The following PNKD variants were observed in gnomAD, a reference collection of about 807,000 sequenced individuals.
PNKD encodes PNKD metallo-beta-lactamase domain containing, also known as probable thioesterase PNKD.
In PNKD, 36 loss-of-function variants were observed where a neutral mutation model predicts 45.3. The observed-to-expected ratio is 0.80, with a 90% CI of 0.61 to 1.05. The LOEUF (loss-of-function observed/expected upper bound fraction) is 1.05, where lower values mean the gene tolerates loss of function less well. Ranked by LOEUF, PNKD falls within the 50% of genes least tolerant of loss-of-function variation. The pLI, the probability that PNKD is intolerant of heterozygous loss-of-function variation, is 0.00. For synonymous variants in PNKD, 197 were observed against 210.1 expected (o/e 0.94, Z 0.54); for missense variants, 511 against 506.6 (o/e 1.01, Z -0.08).
intron 2 of PNKD, among the ~76,000 whole-genome samples, chr2:218,321,857 AC>A (rs1693993916): frequency 6.7e-6 from 1 of 149,652 alleles, no homozygotes; most frequent in South Asian, 2.1e-4. Flanking sequence ...CGATCTCTTG[AC>A]CTAGCGATCC....
At chr2:218,292,526 G>A (rs1434464952) in intron 2 of PNKD, 1 of 151,996 alleles carries the variant, frequency 6.6e-6, no homozygotes, top group Non-Finnish European at 1.5e-5. Context: ...CCGGGGCCGG[G>A]CAGGGCTAGG....
intron 2 of PNKD, among the ~76,000 whole-genome samples, chr2:218,315,097 C>T (rs55725841): frequency 3.8e-4 from 21 of 55,694 alleles, no homozygotes; most frequent in Non-Finnish European, 5.0e-4. Flanking sequence ...TCTCTCTCTC[C>T]TTCCTTCCTT....
intron 2 of PNKD, among the ~76,000 whole-genome samples, chr2:218,329,929 C>T (rs1694270240): frequency 6.6e-6 from 1 of 152,202 alleles, no homozygotes; most frequent in Admixed American, 6.5e-5. Context: ...ACTTTCAGTT[C>T]TGTTTCATTA....
At chr2:218,329,415 C>T (rs1042270032) in intron 2 of PNKD, among the ~76,000 whole-genome samples, 81 of 152,332 alleles carry the variant, frequency 5.3e-4, no homozygotes, top group African/African-American at 1.9e-3. Flanking sequence ...GAGCCCTTGG[C>T]GGGCAGGTGG....
intron 2 of PNKD, among the ~76,000 whole-genome samples, chr2:218,320,062 G>A (rs1411109133): frequency 6.6e-6 from 1 of 152,218 alleles, no homozygotes; most frequent in Non-Finnish European, 1.5e-5. Context: ...ATCTGAGGAG[G>A]TTGAAGAGAC....
At chr2:218,324,201 A>G (rs1157774754) in intron 2 of PNKD, among the ~76,000 whole-genome samples, 2 of 152,172 alleles carry the variant, frequency 1.3e-5, no homozygotes, top group Non-Finnish European at 2.9e-5. Context: ...GAGGCAGGGA[A>G]GAAGACAGGC....
chr2:218,291,184 A>T (rs2382818), intron 2 of PNKD, among the ~76,000 whole-genome samples: 54,647 of 151,756 alleles, frequency 0.36, 10,248 homozygotes, highest in Middle Eastern at 0.53. Flanking sequence ...ACCTCTCTGA[A>T]GGGCTCATTT....
chr2:218,346,084 G>A lies in PNKD; in HGVS notation c.*1103G>A, dbSNP rs1694820180. 6.6e-6 allele frequency: 1 copy of A among 152,372 alleles called. No homozygotes were observed. Among genetic ancestry groups the A allele is most frequent in the African/African-American group, 2.4e-5 (1 of 41,454 alleles). The allele number at this position is 152,372 out of a possible 1,614,324, so 9.4% of individuals were successfully genotyped here. A position where few individuals can be genotyped will look rare whatever the true frequency, so the allele number is the denominator to read the frequency against. On this transcript the variant is annotated 3_prime_UTR_variant, in exon 10 of 10. Transcript: ENST00000273077. ...CAGGTTGGAAATCAGAAGTCTGTGA[G>A]AGCGCGGGAGTGCATGGCAGCTCTG...
At chr2:218,295,809 A>AGGCAACC (rs1693126619) in intron 2 of PNKD, among the ~76,000 whole-genome samples, 3 of 150,132 alleles carry the variant, frequency 2.0e-5, no homozygotes, top group Non-Finnish European at 3.0e-5. Context: ...TAAAGATGCA[A>AGGCAACC]GGCAACCAGT....
intron 2 of PNKD, among the ~76,000 whole-genome samples, chr2:218,313,267 T>C (rs1362742109): frequency 1.3e-5 from 2 of 152,098 alleles, no homozygotes; most frequent in Non-Finnish European, 2.9e-5. Context: ...TACACCATCA[T>C]GCCCGGCTAA....
intron 2 of PNKD, among the ~76,000 whole-genome samples, chr2:218,291,547 C>T (rs1469663154): frequency 6.6e-6 from 1 of 152,136 alleles, no homozygotes; most frequent in African/African-American, 2.4e-5. Flanking sequence ...GTCCAGGGTG[C>T]TCAGGTAGAA....
chr2:218,286,763 G>A (rs561419218), intron 2 of PNKD: 2 of 152,324 alleles, frequency 1.3e-5, no homozygotes, highest in Non-Finnish European at 1.5e-5. Flanking sequence ...GTTACAGCAA[G>A]AGGAGAGTAT....
At chr2:218,338,642 C>A (rs1367019502) in intron 2 of PNKD, among the ~76,000 whole-genome samples, 14 of 151,746 alleles carry the variant, frequency 9.2e-5, no homozygotes, top group Non-Finnish European at 5.9e-5. Context: ...CATCACCACA[C>A]CCGGCTAATT....
intron 2 of PNKD, among the ~76,000 whole-genome samples, chr2:218,295,063 G>T (rs185383815): frequency 5.9e-5 from 9 of 152,154 alleles, no homozygotes; most frequent in Non-Finnish European, 8.8e-5. Context: ...GGGACATGGG[G>T]CACACGAGGC....
At chr2:218,335,802 A>C (rs943620704) in intron 2 of PNKD, among the ~76,000 whole-genome samples, 6 of 152,194 alleles carry the variant, frequency 3.9e-5, no homozygotes, top group Non-Finnish European at 8.8e-5. Flanking sequence ...CATATCTACA[A>C]ATTGCCATGG....
chr2:218,316,569 C>G (rs570005231), intron 2 of PNKD, among the ~76,000 whole-genome samples: 1 of 152,186 alleles, frequency 6.6e-6, no homozygotes, highest in African/African-American at 2.4e-5. Context: ...CTGTGCCCGG[C>G]CAGGAAGTTT....
chr2:218,300,048 C>T (rs912110818), intron 2 of PNKD, among the ~76,000 whole-genome samples: 22 of 152,164 alleles, frequency 1.4e-4, no homozygotes, highest in Non-Finnish European at 2.8e-4. Context: ...TGAGCCACCG[C>T]GCCTGACCAC....
At chr2:218,305,297 G>A (rs1480021880) in intron 2 of PNKD, among the ~76,000 whole-genome samples, 1 of 152,030 alleles carries the variant, frequency 6.6e-6, no homozygotes, top group Non-Finnish European at 1.5e-5. Context: ...AACAAGTGGA[G>A]GCCGCCATTT....
Position 218,345,268 on chromosome 2 carries a change from C to T in PNKD, c.*287C>T. The T allele has an allele frequency of 2.6e-6, 1 of 387,520 alleles. No individual in the cohort carries two copies. Among genetic ancestry groups the T allele is most frequent in the Non-Finnish European group, 4.7e-6 (1 of 213,730 alleles). The allele number at this position is 387,520 out of a possible 1,614,324, so 24.0% of individuals were successfully genotyped here. A position where few individuals can be genotyped will look rare whatever the true frequency, so the allele number is the denominator to read the frequency against. On this transcript the variant is annotated 3_prime_UTR_variant, in exon 10 of 10. Transcript: ENST00000273077. The stretch of plus-strand genomic sequence containing the variant: ...TCCAGACCCTACCAACTGGGAGGGT[C>T]CCCTCCTCCTTCCCTACTCCTGGGA...
Sources: allele counts gnomAD v4.1 joint callset (sites outside exome capture counted in the v4.1 genomes callset), GRCh38; gene constraint gnomAD v4.1.1; transcripts MANE v1.5; gene names NCBI Gene and HGNC (gene_info 2026-07-23, HGNC 2026-07-21).